CEP170: variants seen among roughly 807,000 people sequenced by gnomAD.
CEP170 encodes centrosomal protein of 170 kDa.
A neutral mutation model predicts 151.9 loss-of-function variants in CEP170; 21 were observed. That is an observed-to-expected ratio of 0.14 (90% CI 0.10 to 0.20). The LOEUF (loss-of-function observed/expected upper bound fraction) is 0.20. Ranked by LOEUF, CEP170 falls within the 10% of genes least tolerant of loss-of-function variation. CEP170 has a pLI of 1.00. For missense variants in CEP170, 964 were observed against 1,892.9 expected, an observed-to-expected ratio of 0.51 and a Z score of 9.11; for synonymous variants, 356 against 648.8, an observed-to-expected ratio of 0.55 and a Z score of 6.86.
intron 4 of CEP170, among the ~76,000 whole-genome samples, chr1:243,202,564 C>CAT (rs1001276419): frequency 5.9e-5 from 9 of 151,902 alleles, no homozygotes; most frequent in East Asian, 5.8e-4. Context: ...TATATAAACA[C>CAT]ATATATATAA....
At chr1:243,245,386 C>T (rs936794670) in intron 1 of CEP170, among the ~76,000 whole-genome samples, 4 of 151,530 alleles carry the variant, frequency 2.6e-5, no homozygotes, top group Non-Finnish European at 5.9e-5. Flanking sequence ...TTGAGACCAG[C>T]CTAGGGAACA....
rs763940847 is a variant in CEP170, at chr1:243,164,570, T to C, written c.3390A>G (p.Thr1130=). The change falls in exon 13 of 20, where the codon ACA becomes ACG. Residue 1130 remains threonine (T), a synonymous_variant. Coordinates refer to ENST00000366542, the MANE Select transcript of CEP170 (RefSeq NM_014812.3). ...DKASVASEVS[T]TSSTSKPPTG... is the part of the protein sequence containing the mutation. ...TGGGAGGTTTTGATGTAGAACTTGT[T>C]GTGGATACTTCAGAAGCAACAGATG... 61 of 1,613,516 alleles carry C rather than the reference T, an allele frequency of 3.8e-5. No homozygotes were observed. The highest frequency in any genetic ancestry group is 5.1e-5 in the Non-Finnish European group (60 of 1,179,688).
Position 243,164,434 on chromosome 1 carries a change from CACT to C in CEP170, c.3523_3525del (p.Ser1175del). 6.3e-7 allele frequency: 1 copy of C among 1,580,704 alleles called. No homozygotes were observed. The highest frequency in any genetic ancestry group is 8.6e-7 in the Non-Finnish European group (1 of 1,159,924). On this transcript the variant is annotated inframe_deletion, in exon 13 of 20. Transcript: ENST00000366542. ...ATGGCTTCTGCGGTCCTCGAAGAGG[CACT>C]ACTTCTAGAAATTGTTGCTTCAGAG... is the stretch of plus-strand genomic sequence containing the variant.
At chr1:243,130,240 T>C (rs2054238840) in intron 17 of CEP170, among the ~76,000 whole-genome samples, 1 of 152,180 alleles carries the variant, frequency 6.6e-6, no homozygotes, top group Non-Finnish European at 1.5e-5. Context: ...CCTCTTTATA[T>C]GGGAATAAGC....
At chr1:243,166,144 A>C (rs757849506) in intron 12 of CEP170, 28 bp from the exon 13 acceptor site, 1 of 1,608,242 alleles carries the variant, frequency 6.2e-7, no homozygotes, top group South Asian at 1.1e-5. Flanking sequence ...CAAAGAAGGA[A>C]TTGATTAAGA....
intron 4 of CEP170, chr1:243,211,455 C>A (rs184545260): frequency 6.3e-6 from 1 of 158,350 alleles, no homozygotes; most frequent in Admixed American, 6.4e-5. Context: ...AAACAGTTAA[C>A]GGGAGGGATG....
intron 17 of CEP170, among the ~76,000 whole-genome samples, chr1:243,132,165 C>T (rs144613808): frequency 6.6e-6 from 1 of 152,156 alleles, no homozygotes; most frequent in Non-Finnish European, 1.5e-5. Context: ...GTTATAACTC[C>T]TGACACAAAG....
At position 243,142,610 on chromosome 1, in the gene CEP170, T is replaced by C. The variant is rs1247650571; in HGVS notation, c.3912-147A>G. On this transcript the variant is annotated intron_variant, in intron 14 of 19. Transcript: ENST00000366542. ...AACTATTAACTATTTTGATAATCAG[T>C]CTTAAACCTTAATTCCAAAATTAAG... 3 of 608,964 alleles carry C rather than the reference T, an allele frequency of 4.9e-6. No individual in the cohort carries two copies. The African/African-American group carries it at 5.6e-5, about 11-fold the overall frequency. 37.7% of individuals were successfully genotyped at this position (608,964 alleles called of 1,614,324 possible).
At position 243,129,951 on chromosome 1, in the gene CEP170, T is replaced by C. The variant is rs373530927; in HGVS notation, c.4320-498A>G. On this transcript the variant is annotated intron_variant, in intron 17 of 19. Transcript: ENST00000366542. The stretch of plus-strand genomic sequence containing the variant: ...GTTCTATTTTATTATTAGTTACTAT[T>C]GTTAATCTCTTACTGTGCCTAATTT... 2.4e-4 allele frequency among the ~76,000 whole-genome samples: 36 copies of C among 152,310 alleles called. No homozygotes were observed. The South Asian group carries it at 6.2e-3, about 26-fold the overall frequency.
intron 3 of CEP170, among the ~76,000 whole-genome samples, chr1:243,221,174 G>A (rs1334567919): frequency 2.0e-5 from 3 of 152,034 alleles, no homozygotes; most frequent in Non-Finnish European, 2.9e-5. Context: ...ACAGGAGCCC[G>A]CCACCACACC....
rs1313264708 is a variant in CEP170, at chr1:243,195,625, T to C, written c.631+3435A>G. Among the ~76,000 whole-genome samples, 8 of 152,096 alleles carry C rather than the reference T, an allele frequency of 5.3e-5. 1 individual carries two copies. The South Asian group carries it at 1.7e-3, about 32-fold the overall frequency. On this transcript the variant is annotated intron_variant, in intron 7 of 19. Transcript: ENST00000366542. ...TCACTTTTTGCTTTCACTAAGAGTA[T>C]GCTACAGGATAAATTATTAAACTAA...
Position 243,126,407 on chromosome 1 carries a change from A to G in CEP170, c.*42T>C. Reference sequence around the variant, plus strand: ...ACACTATGCTGCTTCCAATATTCCTAGCCATTCCACAGGTAATGATTTTTC... The same window carrying G: ...ACACTATGCTGCTTCCAATATTCCTGGCCATTCCACAGGTAATGATTTTTC... On this transcript the variant is annotated 3_prime_UTR_variant, in exon 20 of 20. Coordinates refer to ENST00000366542, the MANE Select transcript of CEP170 (RefSeq NM_014812.3). 6.4e-7 allele frequency: 1 copy of G among 1,560,720 alleles called. No homozygotes were observed. Among genetic ancestry groups the G allele is most frequent in the Non-Finnish European group, 8.7e-7 (1 of 1,148,386 alleles).
chr1:243,186,268 G>A lies in CEP170; in HGVS notation c.1263C>T (p.Asp421=), dbSNP rs2059932104. The change falls in exon 9 of 20, where the codon GAC becomes GAT. Residue 421 remains aspartate, a synonymous_variant. Transcript: ENST00000366542. Reference sequence around the variant, plus strand: ...AAGCAGTTTGACTTACAACAGCTTGGTCTTGATGCTTTTCAGTAGCCTGGA... The same window carrying A: ...AAGCAGTTTGACTTACAACAGCTTGATCTTGATGCTTTTCAGTAGCCTGGA... ...QKVQATEKHQ[D]QAVTSSAHHR... is the part of the protein sequence containing the mutation. 6.2e-7 allele frequency: 1 copy of A among 1,613,738 alleles called. No individual in the cohort carries two copies. Among genetic ancestry groups the A allele is most frequent in the Non-Finnish European group, 8.5e-7 (1 of 1,179,692 alleles).
intron 3 of CEP170, among the ~76,000 whole-genome samples, chr1:243,218,835 T>G (rs995578893): frequency 4.6e-5 from 7 of 152,198 alleles, no homozygotes; most frequent in African/African-American, 1.7e-4. Flanking sequence ...TACCATTTTA[T>G]TATTTCTATT....
At position 243,124,459 on chromosome 1, in the gene CEP170, G is replaced by T. The variant is rs186903665; in HGVS notation, c.*1990C>A. 6.6e-6 allele frequency: 1 copy of T among 152,648 alleles called. No individual in the cohort carries two copies. Among genetic ancestry groups the T allele is most frequent in the Admixed American group, 6.5e-5 (1 of 15,288 alleles). The allele number at this position is 152,648 out of a possible 1,614,324, so 9.5% of individuals were successfully genotyped here. A position where few individuals can be genotyped will look rare whatever the true frequency, so the allele number is the denominator to read the frequency against. ...TCCAGAAACACTTTATTTAAAAATG[G>T]AGTTGTAAATGCATAACAAAATAAC... On this transcript the variant is annotated 3_prime_UTR_variant, in exon 20 of 20. Transcript: ENST00000366542.
At chr1:243,253,338 A>AT (rs1028103417) in intron 1 of CEP170, 1 of 152,192 alleles carries the variant, frequency 6.6e-6, no homozygotes, top group African/African-American at 2.4e-5. Flanking sequence ...CTTTCCATAC[A>AT]TTTTCACAAG....
chr1:243,153,701 T>C (rs1178654987), intron 14 of CEP170, among the ~76,000 whole-genome samples: 2 of 152,080 alleles, frequency 1.3e-5, no homozygotes, highest in Non-Finnish European at 2.9e-5. Flanking sequence ...CAGTATAGTG[T>C]GAACATAATT....
intron 18 of CEP170, chr1:243,128,996 G>A (rs1186744567): frequency 1.3e-5 from 2 of 156,458 alleles, no homozygotes; most frequent in African/African-American, 4.8e-5. Flanking sequence ...ATGAAAATCT[G>A]TACAAATTCT....
chr1:243,191,323 G>A lies in CEP170; in HGVS notation c.803C>T (p.Pro268Leu). The change falls in exon 8 of 20, where the codon CCA becomes CTA. Residue 268 changes from proline to leucine, a missense_variant. By Grantham distance (98) the Pro-to-Leu change is moderately conservative. Transcript: ENST00000366542. ...CCCTGCACCTGTTATATGGGAACTT[G>A]GCGTGTCTTTTGTTGGGATTTCATG... Reference protein sequence around the residue: ...TIHEIPTKDTPSSHITGAGHA... With the variant: ...TIHEIPTKDTLSSHITGAGHA... 6.2e-7 allele frequency: 1 copy of A among 1,613,340 alleles called. No homozygotes were observed. Among genetic ancestry groups the A allele is most frequent in the Non-Finnish European group, 8.5e-7 (1 of 1,179,620 alleles).
Sources: gnomAD v4.1 joint callset for allele counts (sites outside exome capture counted in the v4.1 genomes callset) on GRCh38, gnomAD v4.1.1 for gene constraint, MANE v1.5 for transcripts, NCBI Gene and HGNC (gene_info 2026-07-23, HGNC 2026-07-21) for gene names.